Variants in RUFY3 observed in about 807,000 individuals in gnomAD.
The protein encoded by RUFY3 is RUN and FYVE domain containing 3.
In RUFY3, 34 loss-of-function variants were observed where a neutral mutation model predicts 84.0. That is an observed-to-expected ratio of 0.40 (90% CI 0.31 to 0.54). RUFY3 has a LOEUF of 0.54. RUFY3 is among the 20% of genes least tolerant of loss of function. The probability of loss-of-function intolerance (pLI) is 0.39; values close to 1 mark genes in which losing one functional copy is unlikely to be tolerated. For synonymous variants in RUFY3, 242 were observed against 252.9 expected (o/e 0.96, Z 0.41); for missense variants, 507 against 736.8 (o/e 0.69, Z 3.61).
At chr4:70,769,082 C>T (rs1038090717) in intron 5 of RUFY3, among the ~76,000 whole-genome samples, 31 of 152,062 alleles carry the variant, frequency 2.0e-4, no homozygotes, top group Admixed American at 1.7e-3. Flanking sequence ...AGGCCAGGTG[C>T]GATTGTTCAC....
intron 1 of RUFY3, among the ~76,000 whole-genome samples, chr4:70,762,180 T>C (rs1725147505): frequency 6.6e-6 from 1 of 152,176 alleles, no homozygotes; most frequent in South Asian, 2.1e-4. Flanking sequence ...GCCAGTGTGA[T>C]GGCGTGCGCC....
At chr4:70,785,106 T>C (rs534057973) in intron 10 of RUFY3, among the ~76,000 whole-genome samples, 1 of 152,330 alleles carries the variant, frequency 6.6e-6, no homozygotes, top group East Asian at 1.9e-4. Context: ...TTTTTGCTTT[T>C]ATAGTTTGTA....
Position 70,730,406 on chromosome 4 carries a change from T to C in RUFY3, c.178+7655T>C, listed in dbSNP as rs2148610884. 1.3e-5 allele frequency among the ~76,000 whole-genome samples: 2 copies of C among 152,098 alleles called. 1 individual carries two copies. Among genetic ancestry groups the C allele is most frequent in the South Asian group, 4.2e-4 (2 of 4,812 alleles). On this transcript the variant is annotated intron_variant, in intron 1 of 17. Coordinates refer to ENST00000381006, the MANE Select transcript of RUFY3 (RefSeq NM_001037442.4). ...TCTCATTTAATTTTTACAACAACCT[T>C]TTGAGCCTAGGTACAACTATTACCC... is the stretch of plus-strand genomic sequence containing the variant.
chr4:70,749,657 C>CTT (rs537416557), intron 1 of RUFY3, among the ~76,000 whole-genome samples: 2,795 of 132,126 alleles, frequency 0.021, 113 homozygotes, highest in African/African-American at 0.073. Context: ...CTTGTCTTGT[C>CTT]TTTTTTTTTT....
At chr4:70,799,539 C>G (rs1427529838) in intron 14 of RUFY3, 1 of 152,302 alleles carries the variant, frequency 6.6e-6, no homozygotes, top group Non-Finnish European at 1.5e-5. Flanking sequence ...AGTAAAAATA[C>G]AAAAATAAGC....
chr4:70,765,209 G>GTGTA (rs144995233), intron 4 of RUFY3, among the ~76,000 whole-genome samples: 10 of 137,206 alleles, frequency 7.3e-5, no homozygotes, highest in South Asian at 2.3e-4. Flanking sequence ...AAAAAAATGT[G>GTGTA]TATATATATA....
chr4:70,742,625 T>G (rs1721505975), intron 1 of RUFY3, among the ~76,000 whole-genome samples: 1 of 152,230 alleles, frequency 6.6e-6, no homozygotes, highest in Non-Finnish European at 1.5e-5. Flanking sequence ...AAGGAAGGCT[T>G]TTTACTTATT....
At chr4:70,745,939 G>T (rs1385122485) in intron 1 of RUFY3, among the ~76,000 whole-genome samples, 1 of 151,942 alleles carries the variant, frequency 6.6e-6, no homozygotes, top group Non-Finnish European at 1.5e-5. Context: ...ACAAAAAATT[G>T]CTGAGGCGAG....
chr4:70,795,565 G>A (rs1360014395), intron 14 of RUFY3, among the ~76,000 whole-genome samples: 2 of 152,088 alleles, frequency 1.3e-5, no homozygotes, highest in Non-Finnish European at 2.9e-5. Context: ...GTAAAAGACA[G>A]TGAAAAAATT....
rs183670325 is a variant in RUFY3, at chr4:70,741,977, C to A, written c.178+19226C>A. ...TGTTGAGAAAGTGTAAATTTTATTA[C>A]TCATGCAAATACATGTATATATATT... On this transcript the variant is annotated intron_variant, in intron 1 of 17. Coordinates refer to ENST00000381006, the MANE Select transcript of RUFY3 (RefSeq NM_001037442.4). Among the ~76,000 whole-genome samples, 273 of 152,264 alleles carry A rather than the reference C, an allele frequency of 1.8e-3. 1 individual carries two copies. Among genetic ancestry groups the A allele is most frequent in the African/African-American group, 6.4e-3 (267 of 41,560 alleles).
At chr4:70,706,689 A>G (rs1252361112) in intron 1 of RUFY3, among the ~76,000 whole-genome samples, 1 of 152,226 alleles carries the variant, frequency 6.6e-6, no homozygotes, top group Non-Finnish European at 1.5e-5. Context: ...TTACTGAGTA[A>G]TAAGTCAGTG....
intron 1 of RUFY3, among the ~76,000 whole-genome samples, chr4:70,730,572 CAAA>C (rs796173421): frequency 5.6e-5 from 6 of 106,544 alleles, no homozygotes; most frequent in African/African-American, 1.4e-4. Flanking sequence ...ACTAAAAATA[CAAA>C]AAAAAAAAAA....
chr4:70,734,166 C>T (rs1719903733), intron 1 of RUFY3, among the ~76,000 whole-genome samples: 1 of 152,140 alleles, frequency 6.6e-6, no homozygotes, highest in Non-Finnish European at 1.5e-5. Context: ...GTTTTCATAG[C>T]TGTTTAAATG....
At chr4:70,752,297 A>G (rs936791360) in intron 1 of RUFY3, among the ~76,000 whole-genome samples, 1 of 150,986 alleles carries the variant, frequency 6.6e-6, no homozygotes, top group African/African-American at 2.5e-5. Flanking sequence ...AACTCATTTT[A>G]TGTACATACT....
chr4:70,754,021 G>A (rs915071175), intron 1 of RUFY3, among the ~76,000 whole-genome samples: 6 of 151,914 alleles, frequency 3.9e-5, no homozygotes, highest in Non-Finnish European at 5.9e-5. Flanking sequence ...AGAAAAGGTA[G>A]CAATGAGGAC....
chr4:70,712,957 G>A (rs1331547802), intron 1 of RUFY3, among the ~76,000 whole-genome samples: 1 of 152,156 alleles, frequency 6.6e-6, no homozygotes, highest in Non-Finnish European at 1.5e-5. Context: ...TTTGTTGTGG[G>A]AAGTCAGTAG....
At chr4:70,744,224 G>C (rs1485048152) in intron 1 of RUFY3, among the ~76,000 whole-genome samples, 2 of 151,892 alleles carry the variant, frequency 1.3e-5, no homozygotes, top group Non-Finnish European at 1.5e-5. Flanking sequence ...TTTGAGACGA[G>C]GTATCACTCT....
intron 2 of RUFY3, among the ~76,000 whole-genome samples, chr4:70,763,171 G>GT (rs892846232): frequency 8.6e-5 from 13 of 151,614 alleles, no homozygotes; most frequent in African/African-American, 2.9e-4. Context: ...TTGTTTGATT[G>GT]TTTTTTTTAA....
Position 70,769,638 on chromosome 4 carries a change from C to T in RUFY3, c.696+977C>T, listed in dbSNP as rs191881959. ...AATTGGCTTCCTTTACAAAAGATTT[C>T]TCTGTAGCATACCACGCTGTTTGAC... On this transcript the variant is annotated intron_variant, in intron 5 of 17. Transcript: ENST00000381006. 1.2e-3 allele frequency among the ~76,000 whole-genome samples: 187 copies of T among 152,272 alleles called. 2 individuals are homozygous for T. The highest frequency in any genetic ancestry group is 0.012 in the Admixed American group (185 of 15,294).
Sources: gnomAD v4.1 joint callset for allele counts (sites outside exome capture counted in the v4.1 genomes callset) on GRCh38, gnomAD v4.1.1 for gene constraint, MANE v1.5 for transcripts, NCBI Gene and HGNC (gene_info 2026-07-23, HGNC 2026-07-21) for gene names.